Variants in H3-3A observed in about 807,000 individuals in gnomAD.
The protein encoded by H3-3A is H3.3 histone A.
For synonymous variants in H3-3A, 49 were observed against 61.4 expected, an observed-to-expected ratio of 0.80 and a Z score of 0.95; for missense variants, 7 against 184.0, an observed-to-expected ratio of 0.04 and a Z score of 5.57.
At chr1:226,062,859 C>A in intron 1 of H3-3A, 48 bp downstream of exon 1, 1 of 157,446 alleles carries the variant, frequency 6.4e-6, no homozygotes. Context: ...CCCCGCTTGC[C>A]GTCAGCCCCG....
intron 2 of H3-3A, 90 bp downstream of exon 2, chr1:226,064,569 T>G (rs899409735): frequency 8.9e-7 from 1 of 1,128,090 alleles, no homozygotes; most frequent in African/African-American, 1.6e-5. Flanking sequence ...GAAAACTTTT[T>G]GCTTTAGAGA....
intron 3 of H3-3A, among the ~76,000 whole-genome samples, chr1:226,067,805 C>T (rs1339424251): frequency 1.3e-5 from 2 of 151,540 alleles, no homozygotes; most frequent in South Asian, 2.1e-4. Context: ...TAGAAGATCG[C>T]AATTGAAGTA....
intron 1 of H3-3A, 128 bp downstream of exon 1, chr1:226,062,939 A>G (rs1360408695): frequency 1.3e-5 from 2 of 152,288 alleles, no homozygotes; most frequent in East Asian, 3.9e-4. Context: ...TTTTTGGCCC[A>G]GAAATGGAGG....
At chr1:226,064,060 T>C (rs1191712731) in intron 1 of H3-3A, 2 of 255,626 alleles carry the variant, frequency 7.8e-6, no homozygotes, top group Non-Finnish European at 1.5e-5. Context: ...TCAAAGGCCG[T>C]TCGAGGTATT....
Position 226,065,451 on chromosome 1 carries a change from T to C in H3-3A, c.129-205T>C, listed in dbSNP as rs545535658. 6.6e-5 allele frequency among the ~76,000 whole-genome samples: 10 copies of C among 152,384 alleles called. No individual in the cohort carries two copies. The South Asian group carries it at 1.9e-3, about 28-fold the overall frequency. ...TGAATTTCTTGCTAAGAATGCATTT[T>C]AATTTCATGCTTTTTGCTTTAAAGG... On this transcript the variant is annotated intron_variant, in intron 2 of 3. Coordinates refer to ENST00000366815, the MANE Select transcript of H3-3A (RefSeq NM_002107.7).
At chr1:226,065,395 C>CT (rs1258947273) in intron 2 of H3-3A, among the ~76,000 whole-genome samples, 1 of 152,146 alleles carries the variant, frequency 6.6e-6, no homozygotes, top group Non-Finnish European at 1.5e-5. Context: ...ACATGAATAA[C>CT]TTTTTAAAAT....
chr1:226,065,977 A>T, intron 3 of H3-3A, 168 bp downstream of exon 3: 1 of 645,338 alleles, frequency 1.5e-6, no homozygotes. Flanking sequence ...AAGGTCATAC[A>T]CGTAGAAAAT....
chr1:226,065,905 A>G (rs1379526229), intron 3 of H3-3A, 96 bp downstream of exon 3: 2 of 926,742 alleles, frequency 2.2e-6, no homozygotes. Flanking sequence ...TTTAATCACA[A>G]GCCTGTCAGG....
chr1:226,068,216 T>C (rs1488054812), intron 3 of H3-3A, among the ~76,000 whole-genome samples: 1 of 152,206 alleles, frequency 6.6e-6, no homozygotes, highest in Non-Finnish European at 1.5e-5. Context: ...AAATTGGAAA[T>C]GTATGGGTCA....
At chr1:226,062,410 T>G (rs2102732614), upstream of H3-3A, among the ~76,000 whole-genome samples, 1 of 149,920 alleles carries the variant, frequency 6.7e-6, no homozygotes, top group African/African-American at 2.5e-5. Context: ...GGGATGGGAG[T>G]GCAGGGCCGG....
At chr1:226,064,126 T>C (rs1657840828) in intron 1 of H3-3A, 4 of 437,598 alleles carry the variant, frequency 9.1e-6, no homozygotes, top group South Asian at 3.1e-5. Context: ...TTGATACTGC[T>C]AACAATTTTC....
At chr1:226,068,731 G>A (rs1335354951) in intron 3 of H3-3A, among the ~76,000 whole-genome samples, 1 of 152,168 alleles carries the variant, frequency 6.6e-6, no homozygotes, top group East Asian at 1.9e-4. Context: ...CAAGGCATTT[G>A]GAGTATTAAA....
intron 1 of H3-3A, 109 bp from the exon 2 acceptor site, chr1:226,064,220 T>A (rs1186857419): frequency 1.3e-6 from 1 of 748,336 alleles, no homozygotes; most frequent in East Asian, 2.7e-5. Flanking sequence ...CGAACATTAT[T>A]TTTTATACTG....
At chr1:226,062,369 T>C (rs1015583108), upstream of H3-3A, among the ~76,000 whole-genome samples, 1 of 150,472 alleles carries the variant, frequency 6.6e-6, no homozygotes, top group Non-Finnish European at 1.5e-5. Context: ...AACCCGGGCT[T>C]CGGGGGTTCG....
intron 3 of H3-3A, 53 bp from the exon 4 acceptor site, chr1:226,071,298 C>T: frequency 6.7e-7 from 1 of 1,485,918 alleles, no homozygotes. Flanking sequence ...ATAGTTGGGT[C>T]TTAACTATTG....
At chr1:226,064,712 T>TA (rs1657866384) in intron 2 of H3-3A, among the ~76,000 whole-genome samples, 2 of 152,230 alleles carry the variant, frequency 1.3e-5, no homozygotes. Context: ...CCTGGAGGTC[T>TA]AAGGAGACCT....
In H3-3A at chr1:226,071,161, T is replaced by G. The variant is rs142810766; in HGVS notation, c.283-190T>G. Reference sequence around the variant, plus strand: ...AAAGATTTACTGACTTAAGCTTTTGTTTTTTTTCATAAGCTGCTTTTGAGC... The same window carrying G: ...AAAGATTTACTGACTTAAGCTTTTGGTTTTTTTCATAAGCTGCTTTTGAGC... On this transcript the variant is annotated intron_variant, in intron 3 of 3. Transcript: ENST00000366815. Among the ~76,000 whole-genome samples, 1,028 of 152,140 alleles carry G rather than the reference T, an allele frequency of 6.8e-3. 12 individuals are homozygous for G. Among genetic ancestry groups the G allele is most frequent in the African/African-American group, 0.024 (977 of 41,508 alleles).
At chr1:226,065,420 C>G (rs193279136) in intron 2 of H3-3A, among the ~76,000 whole-genome samples, 1 of 152,188 alleles carries the variant, frequency 6.6e-6, no homozygotes, top group Admixed American at 6.5e-5. Context: ...ATAAATAGGG[C>G]TTTGATGAAT....
upstream of H3-3A, among the ~76,000 whole-genome samples, chr1:226,062,473 C>A (rs1309938846): frequency 5.3e-5 from 8 of 149,658 alleles, no homozygotes; most frequent in Middle Eastern, 3.2e-3. Flanking sequence ...CCGGCGGCCC[C>A]TCAGCGTGTC....
Sources: gnomAD v4.1 joint callset for allele counts (sites outside exome capture counted in the v4.1 genomes callset) on GRCh38, gnomAD v4.1.1 for gene constraint, MANE v1.5 for transcripts, NCBI Gene and HGNC (gene_info 2026-07-23, HGNC 2026-07-21) for gene names.